Variants in PPP1R15B observed in about 807,000 individuals in gnomAD.
PPP1R15B encodes the protein protein phosphatase 1 regulatory subunit 15B, also known as protein phosphatase 1, regulatory (inhibitor) subunit 15B.
PPP1R15B carries 31 observed loss-of-function variants against 53.9 expected under a neutral mutation model. The observed-to-expected ratio is 0.58, with a 90% CI of 0.43 to 0.78. The LOEUF (loss-of-function observed/expected upper bound fraction) is 0.78. PPP1R15B is among the 30% of genes least tolerant of loss of function. The pLI is 0.00. For synonymous variants in PPP1R15B, 345 were observed against 329.1 expected (o/e 1.05, Z -0.52); for missense variants, 928 against 849.6 (o/e 1.09, Z -1.15).
At position 204,411,722 on chromosome 1, in the gene PPP1R15B, GT is replaced by G; in HGVS notation, c.-312del. On this transcript the variant is annotated 5_prime_UTR_variant, in exon 1 of 2. Transcript: ENST00000367188. ...GAGTCCCCCCACGGCCTCGGCGATG[GT>G]TTTCCGACTGACAGAGGGTTGAAAA... 4.4e-6 allele frequency: 2 copies of G among 449,840 alleles called. No individual in the cohort carries two copies. The highest frequency in any genetic ancestry group is 8.0e-6 in the Non-Finnish European group (2 of 249,902). The allele number at this position is 449,840 out of a possible 1,614,324, so 27.9% of individuals were successfully genotyped here.
chr1:204,410,566 A>G lies in PPP1R15B; in HGVS notation c.846T>C (p.Cys282=). The G allele has an allele frequency of 1.2e-6, 2 of 1,613,982 alleles. No individual in the cohort carries two copies. Among genetic ancestry groups the G allele is most frequent in the Non-Finnish European group, 1.7e-6 (2 of 1,179,926 alleles). The change falls in exon 1 of 2, where the codon TGT becomes TGC. Residue 282 remains cysteine, a synonymous_variant. Coordinates refer to ENST00000367188, the MANE Select transcript of PPP1R15B (RefSeq NM_032833.5). ...GTAGGCCTTCCGTAGAAAGAGGTGG[A>G]CATCCCTGCCACGAGGCCGGAATGA... The part of the protein sequence containing the change: ...AELIPASWQG[C]PPLSTEGLPE...
chr1:204,396,375 A>G (rs1252217508), downstream of PPP1R15B, among the ~76,000 whole-genome samples: 1 of 42,608 alleles, frequency 2.3e-5, no homozygotes, highest in African/African-American at 5.9e-5. Flanking sequence ...AAAAAGCAAA[A>G]ACAAAAACAA....
rs1198863753 is a variant in PPP1R15B at position 204,406,171 on chromosome 1, G to A, written c.2063C>T (p.Thr688Ile). Residue 688 changes from threonine to isoleucine, a missense_variant, in exon 2 of 2, where the codon ACA becomes ATA. Physicochemically the swap from Thr to Ile is moderately conservative, Grantham distance 89. Transcript: ENST00000367188. The part of the protein sequence containing the change: ...ETEDAIGYCL[T>I]FEHRERMFNR... ...AAACATTCTTTCTCTGTGTTCAAAT[G>A]TCAAGCAATATCCAATAGCATCTTC... The A allele has an allele frequency of 6.2e-7, 1 of 1,614,126 alleles. No individual in the cohort carries two copies. The highest frequency in any genetic ancestry group is 1.7e-5 in the Admixed American group (1 of 60,026).
chr1:204,403,257 T>C (rs1222121829), downstream of PPP1R15B: 1 of 278,542 alleles, frequency 3.6e-6, no homozygotes, highest in Non-Finnish European at 5.4e-6. Flanking sequence ...CTCATAATAC[T>C]GCAAGAACCA....
downstream of PPP1R15B, among the ~76,000 whole-genome samples, chr1:204,397,772 T>C (rs967458939): frequency 6.6e-6 from 1 of 152,144 alleles, no homozygotes; most frequent in Non-Finnish European, 1.5e-5. Context: ...ATGAAGTGCC[T>C]TTCATAACGA....
At chr1:204,408,891 C>T (rs3014625) in intron 1 of PPP1R15B, among the ~76,000 whole-genome samples, 150,518 of 152,312 alleles carry the variant, frequency 0.99, 74,388 homozygotes, top group Middle Eastern at 1. Context: ...GGCAATACCA[C>T]TTCCTGTACT....
Position 204,410,017 on chromosome 1 carries a change from G to A in PPP1R15B, c.1395C>T (p.Asp465=), listed in dbSNP as rs2103448104. The change falls in exon 1 of 2, where the codon GAC becomes GAT. Residue 465 remains aspartate (D), a synonymous_variant. Transcript: ENST00000367188. ...CTTCAGGGTCTTGTTCAAGGTCTGA[G>A]TCTGACAGTGAGCTATCACTATCAA... ...DGFDSDSSLS[D]SDLEQDPEGL... 1 of 1,614,182 alleles carries A rather than the reference G, an allele frequency of 6.2e-7. No homozygotes were observed.
At chr1:204,408,583 T>C (rs1339605274) in intron 1 of PPP1R15B, among the ~76,000 whole-genome samples, 1 of 152,190 alleles carries the variant, frequency 6.6e-6, no homozygotes, top group East Asian at 1.9e-4. Context: ...AGTAACGGTA[T>C]AGAAAACTAA....
downstream of PPP1R15B, among the ~76,000 whole-genome samples, chr1:204,401,933 A>G (rs961730512): frequency 6.6e-6 from 1 of 152,240 alleles, no homozygotes; most frequent in Non-Finnish European, 1.5e-5. Context: ...ATCTCAAAAA[A>G]ACAAGAAATT....
intron 1 of PPP1R15B, among the ~76,000 whole-genome samples, chr1:204,408,570 C>A (rs1674305294): frequency 6.6e-6 from 1 of 152,144 alleles, no homozygotes; most frequent in African/African-American, 2.4e-5. Flanking sequence ...ACTTCTCTCT[C>A]CAAGTAACGG....
downstream of PPP1R15B, among the ~76,000 whole-genome samples, chr1:204,402,702 G>A (rs1320548276): frequency 6.6e-6 from 1 of 151,718 alleles, no homozygotes; most frequent in South Asian, 2.1e-4. Context: ...AATTACAGGC[G>A]TGAGCCACCA....
downstream of PPP1R15B, among the ~76,000 whole-genome samples, chr1:204,400,198 C>T (rs1056611142): frequency 1.4e-5 from 2 of 143,758 alleles, no homozygotes; most frequent in Admixed American, 7.3e-5. Flanking sequence ...GATCATGCCA[C>T]TGTACTTCAG....
Position 204,406,397 on chromosome 1 carries a change from C to A in PPP1R15B, c.1921-84G>T, listed in dbSNP as rs1451327959. On this transcript the variant is annotated intron_variant, in intron 1 of 1. Transcript: ENST00000367188. ...TCAATAACCCTTTATGCTACCAATTCTTTCAGAATATTCCCAACTAAGAAT... is the reference window on the plus strand; with the variant it reads ...TCAATAACCCTTTATGCTACCAATTATTTCAGAATATTCCCAACTAAGAAT... 2.0e-5 allele frequency: 29 copies of A among 1,483,764 alleles called. No individual in the cohort carries two copies. In the East Asian group the frequency reaches 6.4e-4, roughly 33 times the overall value. The allele number at this position is 1,483,764 out of a possible 1,614,324, so 91.9% of individuals were successfully genotyped here.
chr1:204,402,425 A>AT (rs376537158), downstream of PPP1R15B, among the ~76,000 whole-genome samples: 1,546 of 151,966 alleles, frequency 0.01, 31 homozygotes, highest in African/African-American at 0.032. Flanking sequence ...ATCTGACTTT[A>AT]TTTTTTGAGA....
At chr1:204,398,826 C>A (rs924427377), downstream of PPP1R15B, among the ~76,000 whole-genome samples, 1 of 152,154 alleles carries the variant, frequency 6.6e-6, no homozygotes, top group South Asian at 2.1e-4. Flanking sequence ...CTCTGGTACT[C>A]CAATGCAGCC....
At chr1:204,398,117 C>T (rs1033016338), downstream of PPP1R15B, among the ~76,000 whole-genome samples, 14 of 152,126 alleles carry the variant, frequency 9.2e-5, no homozygotes, top group Non-Finnish European at 1.3e-4. Flanking sequence ...CAGACCCTTC[C>T]ACCACAGAGG....
chr1:204,410,976 C>A lies in PPP1R15B; in HGVS notation c.436G>T (p.Gly146Trp). The A allele has an allele frequency of 6.2e-7, 1 of 1,614,180 alleles. No individual in the cohort carries two copies. Among genetic ancestry groups the A allele is most frequent in the East Asian group, 2.2e-5 (1 of 44,878 alleles). The stretch of plus-strand genomic sequence containing the variant: ...GGGGGCGAGTATTGCCAGTGGATCC[C>A]CTCCTCTAGCCAATCAAGGGGACTG... ...VTSPLDWLEEGIHWQYSPPDL... is the reference protein window; with the variant it reads ...VTSPLDWLEEWIHWQYSPPDL... The change falls in exon 1 of 2, where the codon GGG becomes TGG. Residue 146 changes from glycine to tryptophan, a missense_variant. Coordinates refer to ENST00000367188, the MANE Select transcript of PPP1R15B (RefSeq NM_032833.5).
At position 204,410,023 on chromosome 1, in the gene PPP1R15B, C is replaced by T; in HGVS notation, c.1389G>A (p.Leu463=). ...GGTCTTGTTCAAGGTCTGAGTCTGA[C>T]AGTGAGCTATCACTATCAAAACCAT... ...EDDGFDSDSS[L]SDSDLEQDPE... The change falls in exon 1 of 2, where the codon CTG becomes CTA. Residue 463 remains leucine (L), a synonymous_variant. Coordinates refer to ENST00000367188, the MANE Select transcript of PPP1R15B (RefSeq NM_032833.5). 6.2e-7 allele frequency: 1 copy of T among 1,614,044 alleles called. No homozygotes were observed.
rs750214584 is a variant in PPP1R15B at position 204,405,479 on chromosome 1, G to A, written c.*613C>T. 3 of 982,588 alleles carry A rather than the reference G, an allele frequency of 3.1e-6. No individual in the cohort carries two copies. The highest frequency in any genetic ancestry group is 3.6e-6 in the Non-Finnish European group (3 of 828,088). 60.9% of individuals were successfully genotyped at this position (982,588 alleles called of 1,614,324 possible). The stretch of plus-strand genomic sequence containing the variant: ...AATATCCTAGGTAGAACTTAATGTA[G>A]AAATAAAAAGGCTACCACATATTTT... On this transcript the variant is annotated 3_prime_UTR_variant, in exon 2 of 2. Coordinates refer to ENST00000367188, the MANE Select transcript of PPP1R15B (RefSeq NM_032833.5).
Sources: allele counts gnomAD v4.1 joint callset (sites outside exome capture counted in the v4.1 genomes callset), GRCh38; gene constraint gnomAD v4.1.1; transcripts MANE v1.5; gene names NCBI Gene and HGNC (gene_info 2026-07-23, HGNC 2026-07-21).